SLC28A1: variants seen among roughly 807,000 people sequenced by gnomAD.
The protein encoded by SLC28A1 is solute carrier family 28 member 1, also known as sodium/nucleoside cotransporter 1.
SLC28A1 carries 64 observed loss-of-function variants against 74.8 expected under a neutral mutation model. That is an observed-to-expected ratio of 0.86 (90% CI 0.70 to 1.05). The LOEUF is 1.05. Among genes scored for constraint, SLC28A1 ranks in the 50% least tolerant of loss-of-function variants. The pLI, the probability that SLC28A1 is intolerant of heterozygous loss-of-function variation, is 0.00. For synonymous variants in SLC28A1, 359 were observed against 335.0 expected, an observed-to-expected ratio of 1.07 and a Z score of -0.78; for missense variants, 828 against 822.8, an observed-to-expected ratio of 1.01 and a Z score of -0.08.
intron 7 of SLC28A1, among the ~76,000 whole-genome samples, chr15:84,905,254 C>A (rs17536553): frequency 0.075 from 11,438 of 152,214 alleles, 538 homozygotes; most frequent in Admixed American, 0.1. Context: ...GCAGTGATGA[C>A]CAGGAGACGA....
chr15:84,918,507 G>C lies in SLC28A1; in HGVS notation c.796-17G>C. 6.2e-7 allele frequency: 1 copy of C among 1,610,204 alleles called. No individual in the cohort carries two copies. The highest frequency in any genetic ancestry group is 8.5e-7 in the Non-Finnish European group (1 of 1,176,574). ...GCCTGCCTCTAACCTGCGGTCCTAT[G>C]ATCTCCTTCCCGGCAGGTTCTGCCC... On this transcript the variant is annotated splice_polypyrimidine_tract_variant and intron_variant, in intron 9 of 18. Transcript: ENST00000394573.
chr15:84,894,711 G>T (rs1192771833), intron 5 of SLC28A1, among the ~76,000 whole-genome samples: 1 of 152,202 alleles, frequency 6.6e-6, no homozygotes, highest in African/African-American at 2.4e-5. Flanking sequence ...GCACTTTACA[G>T]TTTGCAAGGC....
intron 4 of SLC28A1, 96 bp downstream of exon 4, chr15:84,888,956 G>A: frequency 3.5e-6 from 3 of 849,948 alleles, no homozygotes; most frequent in Non-Finnish European, 5.9e-6. Flanking sequence ...GGAGTTGGGG[G>A]GACGTGAACC....
At chr15:84,933,631 G>A (rs757607636) in intron 13 of SLC28A1, among the ~76,000 whole-genome samples, 1 of 152,150 alleles carries the variant, frequency 6.6e-6, no homozygotes, top group Non-Finnish European at 1.5e-5. Flanking sequence ...AGGGGTGCCA[G>A]GCAGGGAACT....
rs1399158539 is a variant in SLC28A1 at position 84,918,579 on chromosome 15, G to T, written c.851G>T (p.Gly284Val). ...SCVISVLYHVGLMQWVILKIA... is the reference protein window; with the variant it reads ...SCVISVLYHVVLMQWVILKIA... ...GTCATATCCGTTCTCTACCACGTGGGCCTCATGCAGTGGGTGATCCTGAAG... is the reference window on the plus strand; with the variant it reads ...GTCATATCCGTTCTCTACCACGTGGTCCTCATGCAGTGGGTGATCCTGAAG... Residue 284 changes from glycine (G) to valine (V), a missense_variant, in exon 10 of 19, where the codon GGC (glycine) becomes GTC (valine). Gly to Val is a moderately radical substitution (Grantham distance 109, BLOSUM62 -3). Transcript: ENST00000394573. 2 of 1,613,650 alleles carry T rather than the reference G, an allele frequency of 1.2e-6. No individual in the cohort carries two copies. Among genetic ancestry groups the T allele is most frequent in the Non-Finnish European group, 1.7e-6 (2 of 1,179,698 alleles).
At chr15:84,922,767 C>G (rs143713843) in intron 11 of SLC28A1, among the ~76,000 whole-genome samples, 2 of 152,362 alleles carry the variant, frequency 1.3e-5, no homozygotes, top group East Asian at 3.9e-4. Flanking sequence ...AGCAGACATG[C>G]TGACTGCTAT....
intron 16 of SLC28A1, 26 bp from the exon 17 acceptor site, chr15:84,944,540 C>T (rs1229617371): frequency 3.3e-6 from 5 of 1,531,162 alleles, no homozygotes; most frequent in Non-Finnish European, 4.5e-6. Context: ...GCTTCCCAGG[C>T]CCTGAGCACT....
At chr15:84,908,178 C>CTTTTT (rs71135328) in intron 8 of SLC28A1, among the ~76,000 whole-genome samples, 1,340 of 91,260 alleles carry the variant, frequency 0.015, 103 homozygotes, top group Admixed American at 0.017. Flanking sequence ...CAGAGCATTT[C>CTTTTT]TTTTTTTTTT....
At chr15:84,891,998 G>A (rs1219186040) in intron 5 of SLC28A1, among the ~76,000 whole-genome samples, 1 of 152,016 alleles carries the variant, frequency 6.6e-6, no homozygotes, top group African/African-American at 2.4e-5. Context: ...CGGGAGGGGT[G>A]GGTCTTTGCA....
chr15:84,966,997 T>A, the SLC28A1 span, among the ~76,000 whole-genome samples: 2 of 152,286 alleles, frequency 1.3e-5, no homozygotes, highest in East Asian at 3.9e-4. Context: ...CCCAGGTTGG[T>A]CTTGAACTGC....
At chr15:84,896,874 A>C (rs970580365) in intron 6 of SLC28A1, among the ~76,000 whole-genome samples, 1 of 152,216 alleles carries the variant, frequency 6.6e-6, no homozygotes, top group African/African-American at 2.4e-5. Flanking sequence ...CCAGTCTTAA[A>C]GAACCATATA....
At chr15:84,965,901 G>A in the SLC28A1 span, among the ~76,000 whole-genome samples, 5 of 149,544 alleles carry the variant, frequency 3.3e-5, no homozygotes, top group East Asian at 2.0e-4. Context: ...AGGGAGGCGG[G>A]GAGGGGGGGG....
chr15:84,944,477 G>A (rs1973079396), intron 16 of SLC28A1, 89 bp from the exon 17 acceptor site: 7 of 836,240 alleles, frequency 8.4e-6, no homozygotes, highest in Admixed American at 1.8e-5. Flanking sequence ...AGAAGAGGAA[G>A]GGAGGTCAGC....
chr15:84,975,009 C>G, the SLC28A1 span, among the ~76,000 whole-genome samples: 4 of 151,984 alleles, frequency 2.6e-5, no homozygotes, highest in East Asian at 7.7e-4. Context: ...TTAGACACCC[C>G]CAGATATAAC....
In SLC28A1 at chr15:84,924,897, A is replaced by ATT. The variant is rs756910084; in HGVS notation, c.1083+794_1083+795dup. 9.1e-4 allele frequency among the ~76,000 whole-genome samples: 127 copies of ATT among 139,786 alleles called. 3 individuals carry two copies. Among genetic ancestry groups the ATT allele is most frequent in the South Asian group, 1.7e-3 (7 of 4,106 alleles). 91.7% of individuals were successfully genotyped at this position (139,786 alleles called of 152,430 possible). A position where few individuals can be genotyped will look rare whatever the true frequency, so the allele number is the denominator to read the frequency against. On this transcript the variant is annotated intron_variant, in intron 12 of 18. Coordinates refer to ENST00000394573, the MANE Select transcript of SLC28A1 (RefSeq NM_004213.5). ...GGGTAACTGATTTTATTTTTTATTA[A>ATT]TTTTTTTTGTTTGTTTGTTTTTGAG... is the stretch of plus-strand genomic sequence containing the variant.
In SLC28A1 at chr15:84,905,644, C is replaced by A. The variant is rs8187758; in HGVS notation, c.709C>A (p.Gln237Lys). The A allele has an allele frequency of 0.25, 401,610 of 1,608,760 alleles. 53,745 individuals carry two copies. Among genetic ancestry groups the A allele is most frequent in the South Asian group, 0.42 (38,534 of 90,926 alleles). The change falls in exon 8 of 19, where the codon CAG becomes AAG. Residue 237 changes from glutamine (Q) to lysine (K), a missense_variant. Gln to Lys is a moderately conservative substitution (Grantham distance 53). Coordinates refer to ENST00000394573, the MANE Select transcript of SLC28A1 (RefSeq NM_004213.5). ...CATTGCGTTCGAGTGGCTGGGCGAG[C>A]AGATCCGGGTAGGTATGTGGGGTCT... Reference protein sequence around the residue: ...GFIAFEWLGEQIRIFLSYTKA... With the variant: ...GFIAFEWLGEKIRIFLSYTKA...
At chr15:84,918,503 C>T in intron 9 of SLC28A1, 21 bp from the exon 10 acceptor site, 1 of 1,607,274 alleles carries the variant, frequency 6.2e-7, no homozygotes, top group East Asian at 2.2e-5. Flanking sequence ...ACCTGCGGTC[C>T]TATGATCTCC....
chr15:84,969,533 C>CAA, the SLC28A1 span, among the ~76,000 whole-genome samples: 1 of 151,876 alleles, frequency 6.6e-6, no homozygotes, highest in Non-Finnish European at 1.5e-5. Flanking sequence ...CACCCTGCCC[C>CAA]CCGACTCGGA....
intron 6 of SLC28A1, among the ~76,000 whole-genome samples, chr15:84,900,401 CAAAAAAAAAAA>C (rs71135319): frequency 3.4e-5 from 2 of 58,956 alleles, no homozygotes; most frequent in Non-Finnish European, 6.3e-5. Flanking sequence ...GACACTGTCT[CAAAAAAAAAAA>C]AAAAAAAAAA....
Sources: gnomAD v4.1 joint callset for allele counts (sites outside exome capture counted in the v4.1 genomes callset) on GRCh38, gnomAD v4.1.1 for gene constraint, MANE v1.5 for transcripts, NCBI Gene and HGNC (gene_info 2026-07-23, HGNC 2026-07-21) for gene names.